SCAPER: variants seen among roughly 807,000 people sequenced by gnomAD.
The protein encoded by SCAPER is S-phase cyclin A associated protein in the ER, also known as S phase cyclin A-associated protein in the endoplasmic reticulum.
In SCAPER, 98 loss-of-function variants were observed where a neutral mutation model predicts 182.2. That is an observed-to-expected ratio of 0.54 (90% confidence interval 0.46 to 0.64). The LOEUF is 0.64. Ranked by LOEUF, SCAPER falls within the 30% of genes least tolerant of loss-of-function variation. The probability of loss-of-function intolerance (pLI) is 0.00; values close to 1 mark genes in which losing one functional copy is unlikely to be tolerated. For synonymous variants in SCAPER, 605 were observed against 564.6 expected (o/e 1.07, Z -1.01); for missense variants, 1,432 against 1,690.0 (o/e 0.85, Z 2.68).
Position 76,888,668 on chromosome 15 carries a change from T to C in SCAPER, c.-59-4792A>G, listed in dbSNP as rs73457154. 4.4e-3 allele frequency among the ~76,000 whole-genome samples: 667 copies of C among 152,264 alleles called. 7 individuals carry two copies. The highest frequency in any genetic ancestry group is 0.015 in the African/African-American group (633 of 41,552). Reference sequence around the variant, plus strand: ...AAATGAACAAAGCCTTCAAGAAATATGCACTATGTGAAAAGACCAAATCTA... The same window carrying C: ...AAATGAACAAAGCCTTCAAGAAATACGCACTATGTGAAAAGACCAAATCTA... On this transcript the variant is annotated intron_variant, in intron 1 of 31. Transcript: ENST00000563290.
chr15:76,787,210 T>A (rs1039942698), intron 8 of SCAPER, among the ~76,000 whole-genome samples: 1 of 151,978 alleles, frequency 6.6e-6, no homozygotes, highest in Non-Finnish European at 1.5e-5. Flanking sequence ...AAAGAAGCAA[T>A]CACTCTACCC....
At chr15:76,406,480 G>GA (rs369794653) in intron 26 of SCAPER, among the ~76,000 whole-genome samples, 6 of 150,240 alleles carry the variant, frequency 4.0e-5, no homozygotes, top group Admixed American at 2.6e-4. Flanking sequence ...TCCATCTCAA[G>GA]AAAAAAAAAT....
At chr15:76,751,338 A>G (rs1237383527) in intron 15 of SCAPER, among the ~76,000 whole-genome samples, 1 of 151,748 alleles carries the variant, frequency 6.6e-6, no homozygotes, top group African/African-American at 2.4e-5. Context: ...AATCTTTACC[A>G]AAATTCCAAT....
At chr15:76,763,768 T>C (rs771617309) in intron 14 of SCAPER, among the ~76,000 whole-genome samples, 2 of 152,224 alleles carry the variant, frequency 1.3e-5, no homozygotes, top group African/African-American at 2.4e-5. Context: ...CATTTTCTAG[T>C]TTCTTCAGTG....
At chr15:76,695,335 C>T (rs2058594589) in intron 20 of SCAPER, among the ~76,000 whole-genome samples, 1 of 152,102 alleles carries the variant, frequency 6.6e-6, no homozygotes, top group Non-Finnish European at 1.5e-5. Flanking sequence ...GTGGCTCATA[C>T]CTGTAATCCC....
chr15:76,770,188 A>G (rs911950155), intron 10 of SCAPER, among the ~76,000 whole-genome samples: 5 of 122,600 alleles, frequency 4.1e-5, no homozygotes, highest in Non-Finnish European at 6.5e-5. Context: ...GGAACATCAC[A>G]TACCTGGGCT....
intron 4 of SCAPER, among the ~76,000 whole-genome samples, chr15:76,849,037 G>A (rs765646035): frequency 6.6e-6 from 1 of 152,134 alleles, no homozygotes; most frequent in African/African-American, 2.4e-5. Flanking sequence ...TGGACTAGGG[G>A]AGGACACAAA....
intron 23 of SCAPER, among the ~76,000 whole-genome samples, chr15:76,541,698 T>C (rs2044764096): frequency 6.6e-6 from 1 of 152,132 alleles, no homozygotes; most frequent in Non-Finnish European, 1.5e-5. Flanking sequence ...TTAGAAATAA[T>C]GAGACTTCAC....
chr15:76,760,612 C>CTGA lies in SCAPER; in HGVS notation c.1725+4346_1725+4348dup, dbSNP rs569911519. On this transcript the variant is annotated intron_variant, in intron 14 of 31. Coordinates refer to ENST00000563290, the MANE Select transcript of SCAPER (RefSeq NM_020843.4). The stretch of plus-strand genomic sequence containing the variant: ...GAAGTTCTGGTAGCCAGCACCAATT[C>CTGA]TGAGGCTATTCAGGACACTACCAAG... Among the ~76,000 whole-genome samples the CTGA allele has an allele frequency of 2.0e-3, 301 of 152,274 alleles. 3 individuals carry two copies. Among genetic ancestry groups the CTGA allele is most frequent in the African/African-American group, 6.6e-3 (273 of 41,554 alleles).
At chr15:76,723,507 A>T (rs1426713641) in intron 17 of SCAPER, among the ~76,000 whole-genome samples, 3 of 152,114 alleles carry the variant, frequency 2.0e-5, no homozygotes, top group African/African-American at 7.2e-5. Context: ...TGTCTCATTG[A>T]TCTGTCTAAT....
intron 15 of SCAPER, among the ~76,000 whole-genome samples, chr15:76,748,703 A>AT (rs953866586): frequency 4.0e-5 from 6 of 151,714 alleles, no homozygotes; most frequent in Admixed American, 1.3e-4. Flanking sequence ...TTGAACAGAG[A>AT]TTTTTTCCAA....
chr15:76,400,020 AAG>A (rs2044354336), intron 27 of SCAPER, among the ~76,000 whole-genome samples: 2 of 149,942 alleles, frequency 1.3e-5, no homozygotes, highest in East Asian at 3.9e-4. Context: ...AAAAAAAAAA[AAG>A]AGAAAAGAAA....
At chr15:76,437,594 T>C (rs1169330736) in intron 25 of SCAPER, among the ~76,000 whole-genome samples, 1 of 152,140 alleles carries the variant, frequency 6.6e-6, no homozygotes, top group African/African-American at 2.4e-5. Context: ...AATGTCAGGG[T>C]TCTTCATTCA....
At chr15:76,499,884 T>C (rs1397493089) in intron 24 of SCAPER, among the ~76,000 whole-genome samples, 2 of 152,182 alleles carry the variant, frequency 1.3e-5, no homozygotes, top group Non-Finnish European at 2.9e-5. Context: ...ATTAATAGAT[T>C]ATGGCTTCTT....
intron 26 of SCAPER, among the ~76,000 whole-genome samples, chr15:76,432,685 G>A (rs1267142541): frequency 6.6e-6 from 1 of 152,224 alleles, no homozygotes; most frequent in Admixed American, 6.5e-5. Flanking sequence ...GCCAAAGTAG[G>A]AGTAAATTTC....
At chr15:76,584,753 T>A (rs2048509733) in intron 22 of SCAPER, among the ~76,000 whole-genome samples, 1 of 152,214 alleles carries the variant, frequency 6.6e-6, no homozygotes, top group Non-Finnish European at 1.5e-5. Context: ...GGTCTTGCTA[T>A]GTTGCCCACA....
chr15:76,781,849 C>T (rs1199823636), intron 8 of SCAPER, among the ~76,000 whole-genome samples: 1 of 152,102 alleles, frequency 6.6e-6, no homozygotes, highest in Non-Finnish European at 1.5e-5. Flanking sequence ...GAGAGATTTT[C>T]TCACCACCAG....
chr15:76,640,143 A>T (rs2053984581), intron 21 of SCAPER, among the ~76,000 whole-genome samples: 1 of 152,208 alleles, frequency 6.6e-6, no homozygotes, highest in Non-Finnish European at 1.5e-5. Flanking sequence ...GCATTACATA[A>T]ATCTATTCAA....
At chr15:76,823,089 C>T (rs2067708644) in intron 5 of SCAPER, among the ~76,000 whole-genome samples, 2 of 152,146 alleles carry the variant, frequency 1.3e-5, no homozygotes, top group South Asian at 4.1e-4. Flanking sequence ...TTTTCTATAG[C>T]TTAGTCTGAT....
Sources: gnomAD v4.1 joint callset for allele counts (sites outside exome capture counted in the v4.1 genomes callset) on GRCh38, gnomAD v4.1.1 for gene constraint, MANE v1.5 for transcripts, NCBI Gene and HGNC (gene_info 2026-07-23, HGNC 2026-07-21) for gene names.